HDAC4: variants seen among roughly 807,000 people sequenced by gnomAD.
HDAC4 encodes histone deacetylase 4.
In HDAC4, 16 loss-of-function variants were observed where a neutral mutation model predicts 135.1. That is an observed-to-expected ratio of 0.12 (90% CI 0.08 to 0.18). HDAC4 has a LOEUF of 0.18. HDAC4 is among the 10% of genes least tolerant of loss of function. The pLI is 1.00. For synonymous variants in HDAC4, 685 were observed against 653.4 expected, an observed-to-expected ratio of 1.05 and a Z score of -0.74; for missense variants, 1,143 against 1,511.8, an observed-to-expected ratio of 0.76 and a Z score of 4.05.
intron 1 of HDAC4, among the ~76,000 whole-genome samples, chr2:239,372,289 T>TCCGA (rs765079006): frequency 1.3e-5 from 2 of 152,164 alleles, no homozygotes; most frequent in East Asian, 3.9e-4. Flanking sequence ...CAGCTACTCA[T>TCCGA]CCGACCGCTC....
At chr2:239,151,531 T>C (rs1041242042) in intron 7 of HDAC4, among the ~76,000 whole-genome samples, 3 of 152,030 alleles carry the variant, frequency 2.0e-5, no homozygotes, top group Non-Finnish European at 2.9e-5. Context: ...AGGGCAGAGC[T>C]AGATGAACAC....
chr2:239,283,428 G>A (rs1003920986), intron 2 of HDAC4, among the ~76,000 whole-genome samples: 7 of 152,238 alleles, frequency 4.6e-5, no homozygotes, highest in African/African-American at 7.2e-5. Flanking sequence ...CCCCCCATGA[G>A]CAGGATCAGT....
chr2:239,126,216 C>T (rs2040177052), intron 12 of HDAC4, among the ~76,000 whole-genome samples: 2 of 152,216 alleles, frequency 1.3e-5, no homozygotes, highest in Admixed American at 1.3e-4. Flanking sequence ...GGGCACTGGC[C>T]CTGCGCGTCC....
At chr2:239,204,054 T>C (rs1037444166) in intron 3 of HDAC4, among the ~76,000 whole-genome samples, 1 of 152,160 alleles carries the variant, frequency 6.6e-6, no homozygotes, top group Non-Finnish European at 1.5e-5. Context: ...CTTCATAGTG[T>C]AGGAGAATGA....
intron 2 of HDAC4, among the ~76,000 whole-genome samples, chr2:239,295,675 T>A (rs1451250168): frequency 6.6e-6 from 1 of 152,234 alleles, no homozygotes; most frequent in African/African-American, 2.4e-5. Flanking sequence ...GGCTTTTCAT[T>A]CTGTTTTGTG....
intron 3 of HDAC4, among the ~76,000 whole-genome samples, chr2:239,222,526 C>A (rs1245944941): frequency 1.6e-5 from 2 of 123,880 alleles, no homozygotes; most frequent in Non-Finnish European, 3.3e-5. Flanking sequence ...CCAGGCCTTA[C>A]CCCATACCAA....
rs140302866 is a variant in HDAC4, at chr2:239,291,428, G to A, written c.23-54764C>T. Among the ~76,000 whole-genome samples the A allele has an allele frequency of 8.5e-5, 13 of 152,298 alleles. No homozygotes were observed. The East Asian group carries it at 1.7e-3, about 20-fold the overall frequency. On this transcript the variant is annotated intron_variant, in intron 2 of 26. Transcript: ENST00000543185. ...CTCAAAGAGGGGTCCCCTGGGTGGC[G>A]GGGGGCCTGAGGGCACACAGGAAGA...
intron 2 of HDAC4, among the ~76,000 whole-genome samples, chr2:239,271,138 G>A (rs2050036361): frequency 1.3e-5 from 2 of 152,084 alleles, no homozygotes; most frequent in Admixed American, 6.5e-5. Flanking sequence ...TTTGAGACAG[G>A]GTCTTGCTCC....
At chr2:239,359,399 G>T (rs1044782456) in intron 1 of HDAC4, among the ~76,000 whole-genome samples, 3 of 152,256 alleles carry the variant, frequency 2.0e-5, no homozygotes, top group Admixed American at 6.5e-5. Flanking sequence ...TGTTTCACAT[G>T]ATGTGGCCAG....
At chr2:239,304,573 T>C (rs992195447) in intron 2 of HDAC4, among the ~76,000 whole-genome samples, 2 of 152,148 alleles carry the variant, frequency 1.3e-5, no homozygotes. Context: ...CTTCAAAAGA[T>C]ATGCTGTTTT....
At chr2:239,265,257 G>A (rs1232522866) in intron 2 of HDAC4, among the ~76,000 whole-genome samples, 2 of 152,202 alleles carry the variant, frequency 1.3e-5, no homozygotes, top group Non-Finnish European at 2.9e-5. Context: ...GCCTCTGACA[G>A]TACTCCAGAG....
Position 239,307,225 on chromosome 2 carries a change from G to A in HDAC4, c.22+45453C>T, listed in dbSNP as rs1168119969. Among the ~76,000 whole-genome samples, 3 of 152,148 alleles carry A rather than the reference G, an allele frequency of 2.0e-5. No individual in the cohort carries two copies. Among genetic ancestry groups the A allele is most frequent in the East Asian group, 1.9e-4 (1 of 5,170 alleles). ...AAGCCCAGGGCCTGGGGCAGGCTCCGTGCCCCAATGGTCATCCTCAGATGA... is the reference window on the plus strand; with the variant it reads ...AAGCCCAGGGCCTGGGGCAGGCTCCATGCCCCAATGGTCATCCTCAGATGA... On this transcript the variant is annotated intron_variant, in intron 2 of 26. Coordinates refer to ENST00000543185, the MANE Select transcript of HDAC4 (RefSeq NM_001378414.1). The surrounding 1 kb of genome is among the most constrained non-coding windows in gnomAD (Gnocchi z 4.8).
At chr2:239,078,507 A>T (rs2034991635) in intron 22 of HDAC4, among the ~76,000 whole-genome samples, 1 of 152,176 alleles carries the variant, frequency 6.6e-6, no homozygotes, top group South Asian at 2.1e-4. Flanking sequence ...TGTAAACTTC[A>T]AAGTGCTATT....
intron 2 of HDAC4, among the ~76,000 whole-genome samples, chr2:239,287,692 C>G (rs571431020): frequency 6.6e-6 from 1 of 152,244 alleles, no homozygotes; most frequent in East Asian, 1.9e-4. Context: ...AGAAAGCTGA[C>G]TTACAACTAA....
At chr2:239,216,807 G>T (rs1363877797) in intron 3 of HDAC4, among the ~76,000 whole-genome samples, 1 of 152,094 alleles carries the variant, frequency 6.6e-6, no homozygotes, top group Non-Finnish European at 1.5e-5. Flanking sequence ...TGGTGAGAAG[G>T]GGGTGCACAG....
At chr2:239,255,540 CA>C (rs1183689670) in intron 2 of HDAC4, among the ~76,000 whole-genome samples, 1 of 152,146 alleles carries the variant, frequency 6.6e-6, no homozygotes, top group Non-Finnish European at 1.5e-5. Context: ...ACACAGCCTT[CA>C]CTAATGAAAT....
intron 22 of HDAC4, among the ~76,000 whole-genome samples, chr2:239,079,610 T>A (rs1039974994): frequency 2.0e-5 from 3 of 152,234 alleles, no homozygotes; most frequent in African/African-American, 7.2e-5. Context: ...AAGCATGTGG[T>A]AGAGTCCACA....
chr2:239,051,947 A>G lies in HDAC4; in HGVS notation c.*1150T>C, dbSNP rs1227631028. On this transcript the variant is annotated 3_prime_UTR_variant, in exon 27 of 27. Coordinates refer to ENST00000543185, the MANE Select transcript of HDAC4 (RefSeq NM_001378414.1). ...TTCTTAGCTTGGAATACATTGGAAT[A>G]TATATTATACATATATATATTTATT... 6.6e-6 allele frequency: 1 copy of G among 151,610 alleles called. No homozygotes were observed. The highest frequency in any genetic ancestry group is 1.5e-5 in the Non-Finnish European group (1 of 67,948). The allele number at this position is 151,610 out of a possible 1,614,324, so 9.4% of individuals were successfully genotyped here.
intron 2 of HDAC4, among the ~76,000 whole-genome samples, chr2:239,290,190 AT>A (rs1191204308): frequency 6.6e-6 from 1 of 152,014 alleles, no homozygotes; most frequent in Non-Finnish European, 1.5e-5. Flanking sequence ...TACTAAATTT[AT>A]TTTTTTTCAA....
Sources: gnomAD v4.1 joint callset for allele counts (sites outside exome capture counted in the v4.1 genomes callset) on GRCh38, gnomAD v4.1.1 for gene constraint, Gnocchi (gnomAD v3.1) non-coding constraint, MANE v1.5 for transcripts, NCBI Gene and HGNC (gene_info 2026-07-23, HGNC 2026-07-21) for gene names.